The following DGKK variants were observed in gnomAD, a reference collection of about 807,000 sequenced individuals.
The protein encoded by DGKK is 142 kDa diacylglycerol kinase.
DGKK carries 35 observed loss-of-function variants against 92.2 expected under a neutral mutation model. That is an observed-to-expected ratio of 0.38 (90% CI 0.29 to 0.50). The LOEUF (loss-of-function observed/expected upper bound fraction) is 0.50. Among genes scored for constraint, DGKK ranks in the 20% least tolerant of loss-of-function variants. The pLI, the probability that DGKK is intolerant of heterozygous loss-of-function variation, is 0.92. For synonymous variants in DGKK, 368 were observed against 360.6 expected (o/e 1.02, Z -0.23); for missense variants, 910 against 992.2 (o/e 0.92, Z 1.11).
At chrX:50,386,055 GA>G (rs1924536227) in intron 15 of DGKK, among the ~76,000 whole-genome samples, 1 of 111,674 alleles carries the variant, frequency 9.0e-6, no homozygotes, top group Non-Finnish European at 1.9e-5. Flanking sequence ...GAAGCTGATA[GA>G]GCTTTGAACC....
At position 50,382,843 on chromosome X, in the gene DGKK, A is replaced by G. The variant is rs4826670; in HGVS notation, c.2550-240T>C. Among the ~76,000 whole-genome samples, 772 of 112,287 alleles carry G rather than the reference A, an allele frequency of 6.9e-3. 21 individuals are homozygous for G. Among genetic ancestry groups the G allele is most frequent in the Admixed American group, 0.056 (593 of 10,605 alleles). ...GGAAGCTTCAGTGGGATTGGAACTCATAATAAAGAAGCAACATTGATGATT... is the reference window on the plus strand; with the variant it reads ...GGAAGCTTCAGTGGGATTGGAACTCGTAATAAAGAAGCAACATTGATGATT... On this transcript the variant is annotated intron_variant, in intron 17 of 27. Transcript: ENST00000611977.
intron 1 of DGKK, among the ~76,000 whole-genome samples, chrX:50,444,537 T>C (rs1413804205): frequency 9.0e-6 from 1 of 111,690 alleles, no homozygotes; most frequent in Non-Finnish European, 1.9e-5. Flanking sequence ...AGTGAGAACA[T>C]GCAGTATTTG....
At chrX:50,459,783 G>A (rs1926699419) in intron 1 of DGKK, among the ~76,000 whole-genome samples, 1 of 111,428 alleles carries the variant, frequency 9.0e-6, no homozygotes, top group Non-Finnish European at 1.9e-5. Flanking sequence ...GAGAAAAGTT[G>A]TTTTACTCAA....
intron 22 of DGKK, among the ~76,000 whole-genome samples, chrX:50,377,460 A>G (rs1557223968): frequency 4.4e-5 from 5 of 112,547 alleles, no homozygotes. Flanking sequence ...GAGAACCTAC[A>G]TGAGAGAAAT....
rs782128735 is a variant in DGKK, at chrX:50,390,315, G to C, written c.1926+13C>G. On this transcript the variant is annotated intron_variant, in intron 12 of 27. Transcript: ENST00000611977. ...AAAGATATTGGTCTGAATTACAGCT[G>C]AACAGTAGTTACCTCAAATCGTGGT... The C allele has an allele frequency of 2.5e-6, 3 of 1,204,839 alleles. No homozygotes were observed. Among genetic ancestry groups the C allele is most frequent in the Non-Finnish European group, 3.4e-6 (3 of 889,651 alleles).
intron 15 of DGKK, 56 bp downstream of exon 15, chrX:50,386,302 T>C (rs1018346922): frequency 2.4e-4 from 239 of 977,698 alleles, no homozygotes; most frequent in Non-Finnish European, 3.4e-4. Context: ...CAGTAAACCA[T>C]CCTCTGGAAC....
At position 50,394,070 on chromosome X, in the gene DGKK, G is replaced by A. The variant is rs781974299; in HGVS notation, c.1412-735C>T. 1.3e-4 allele frequency among the ~76,000 whole-genome samples: 15 copies of A among 112,152 alleles called. No homozygotes were observed. The South Asian group carries it at 3.0e-3, about 22-fold the overall frequency. On this transcript the variant is annotated intron_variant, in intron 8 of 27. Transcript: ENST00000611977. ...CTAAATAACCAAAGCCTGCCAGCTC[G>A]TGCTGAGTCTCAGAGCCTGTTGGCA... is the stretch of plus-strand genomic sequence containing the variant.
intron 13 of DGKK, 100 bp from the exon 14 acceptor site, chrX:50,387,753 T>C: frequency 3.8e-6 from 2 of 529,983 alleles, no homozygotes; most frequent in Non-Finnish European, 6.1e-6. Context: ...TCTCTCTCTT[T>C]CCTGATCTGT....
At chrX:50,380,197 C>A in intron 18 of DGKK, 120 bp from the exon 19 acceptor site, 1 of 561,539 alleles carries the variant, frequency 1.8e-6, no homozygotes, top group Admixed American at 3.0e-5. Flanking sequence ...AGGAGTCATG[C>A]TAAATGGCAA....
rs782424342 is a variant in DGKK at position 50,378,170 on chromosome X, C to T, written c.3039G>A (p.Glu1013=). 1 of 1,210,754 alleles carries T rather than the reference C, an allele frequency of 8.3e-7. No individual in the cohort carries two copies. Among genetic ancestry groups the T allele is most frequent in the East Asian group, 3.0e-5 (1 of 33,813 alleles). The change falls in exon 22 of 28, where the codon GAG becomes GAA. Residue 1013 remains glutamate (E), a synonymous_variant. Coordinates refer to ENST00000611977, the MANE Select transcript of DGKK (RefSeq NM_001013742.4). The part of the protein sequence containing the change: ...EEGIPVQVDG[E]AWIQRPGLIK... ...TAAGGCCTGGTCTCTGAATCCAGGC[C>T]TCCCCATCCACCTGCACTGGGATAC...
rs1425153233 is a variant in DGKK, at chrX:50,411,481, T to A, written c.943-7297A>T. Among the ~76,000 whole-genome samples the A allele has an allele frequency of 2.7e-5, 3 of 112,135 alleles. No homozygotes were observed. In the East Asian group the frequency reaches 8.4e-4, roughly 31 times the overall value. On this transcript the variant is annotated intron_variant, in intron 4 of 27. Coordinates refer to ENST00000611977, the MANE Select transcript of DGKK (RefSeq NM_001013742.4). Reference sequence around the variant, plus strand: ...TCAAATCACATGATAATCTCAGTGATGCAGAAAAAGCATTTGACAAAATTC... The same window carrying A: ...TCAAATCACATGATAATCTCAGTGAAGCAGAAAAAGCATTTGACAAAATTC...
rs201010594 is a variant in DGKK at position 50,470,064 on chromosome X, GGGCGATGGCGAT to G, written c.603_614del (p.Ser202_Pro205del). The G allele has an allele frequency of 2.7e-4, 327 of 1,207,686 alleles. 2 individuals are homozygous for G. The highest frequency in any genetic ancestry group is 3.2e-4 in the Non-Finnish European group (283 of 893,724). On this transcript the variant is annotated inframe_deletion, in exon 1 of 28. Coordinates refer to ENST00000611977, the MANE Select transcript of DGKK (RefSeq NM_001013742.4). ...TTCTGGACCACGACATTGGCGTTCTGGGCGATGGCGATGGCGATGGCGATGGCGAGGTCTTTA... is the reference window on the plus strand; with the variant it reads ...TTCTGGACCACGACATTGGCGTTCTGGGCGATGGCGATGGCGAGGTCTTTA...
chrX:50,374,614 G>C (rs1351914439), intron 25 of DGKK, among the ~76,000 whole-genome samples: 4 of 111,428 alleles, frequency 3.6e-5, no homozygotes, highest in Non-Finnish European at 7.5e-5. Flanking sequence ...TAGGGTGAAA[G>C]AGGCATGTAG....
chrX:50,381,655 AAACTT>A lies in DGKK; in HGVS notation c.2657+836_2657+840del, dbSNP rs1249972463. Among the ~76,000 whole-genome samples the A allele has an allele frequency of 4.2e-4, 47 of 111,771 alleles. 1 individual carries two copies. Among genetic ancestry groups the A allele is most frequent in the African/African-American group, 1.5e-3 (47 of 30,775 alleles). Reference sequence around the variant, plus strand: ...CTAAAACAATACAAACTTTAGAAGAAAACTTAGGAGCAAATTTTTAAGATCTCAGA... The same window carrying A: ...CTAAAACAATACAAACTTTAGAAGAAAGGAGCAAATTTTTAAGATCTCAGA... On this transcript the variant is annotated intron_variant, in intron 18 of 27. Coordinates refer to ENST00000611977, the MANE Select transcript of DGKK (RefSeq NM_001013742.4).
At chrX:50,465,752 A>G (rs868920053) in intron 1 of DGKK, among the ~76,000 whole-genome samples, 40 of 111,247 alleles carry the variant, frequency 3.6e-4, no homozygotes, top group Non-Finnish European at 5.8e-4. Context: ...TGAGGATCCT[A>G]TGTATCACAA....
intron 1 of DGKK, among the ~76,000 whole-genome samples, chrX:50,441,210 A>G (rs1557231278): frequency 8.9e-6 from 1 of 111,783 alleles, no homozygotes; most frequent in East Asian, 2.8e-4. Flanking sequence ...GAAAGGGGAC[A>G]GTCTCTCTTA....
intron 1 of DGKK, among the ~76,000 whole-genome samples, chrX:50,440,448 A>G (rs181593375): frequency 1.8e-5 from 2 of 111,929 alleles, no homozygotes; most frequent in African/African-American, 6.5e-5. Context: ...CTGGAAGTCT[A>G]CAATTATATA....
Position 50,451,916 on chromosome X carries a change from A to G in DGKK, c.645+18118T>C, listed in dbSNP as rs142099802. On this transcript the variant is annotated intron_variant, in intron 1 of 27. Coordinates refer to ENST00000611977, the MANE Select transcript of DGKK (RefSeq NM_001013742.4). The stretch of plus-strand genomic sequence containing the variant: ...ACTTTTTCCTTATTCTGCATAGGGC[A>G]CTCATCCTTTTGAAAGGAAAACGGA... 3.5e-3 allele frequency among the ~76,000 whole-genome samples: 390 copies of G among 112,117 alleles called. 3 individuals carry two copies. Among genetic ancestry groups the G allele is most frequent in the African/African-American group, 0.012 (381 of 30,932 alleles).
At chrX:50,394,369 C>A (rs1452617610) in intron 8 of DGKK, among the ~76,000 whole-genome samples, 2 of 111,309 alleles carry the variant, frequency 1.8e-5, no homozygotes, top group Admixed American at 1.9e-4. Context: ...CCCCTATGGG[C>A]CAATTCCCAC....
Sources: allele counts gnomAD v4.1 joint callset (sites outside exome capture counted in the v4.1 genomes callset), GRCh38; gene constraint gnomAD v4.1.1; transcripts MANE v1.5; gene names NCBI Gene and HGNC (gene_info 2026-07-23, HGNC 2026-07-21).